The following SHISA9 variants were observed in gnomAD, a reference collection of about 807,000 sequenced individuals.
SHISA9 encodes the protein protein shisa-9.
In SHISA9, 13 loss-of-function variants were observed where a neutral mutation model predicts 38.0. The ratio of observed to expected loss-of-function variants is 0.34; its 90% CI spans 0.22 to 0.54. The LOEUF (loss-of-function observed/expected upper bound fraction) is 0.54, where lower values mean the gene tolerates loss of function less well. SHISA9 is among the 20% of genes least tolerant of loss of function. The pLI is 0.91. For missense variants in SHISA9, 538 were observed against 575.8 expected (o/e 0.93, Z 0.67); for synonymous variants, 275 against 242.0 (o/e 1.14, Z -1.27).
At chr16:12,916,622 TCGG>T (rs2071261430) in intron 1 of SHISA9, 63 bp from the exon 2 acceptor site, 1 of 1,512,220 alleles carries the variant, frequency 6.6e-7, no homozygotes, top group African/African-American at 1.4e-5. Flanking sequence ...ACTGCAGTAC[TCGG>T]CGCATAGCAG....
At chr16:13,198,143 C>T in intron 2 of SHISA9, among the ~76,000 whole-genome samples, 1 of 152,038 alleles carries the variant, frequency 6.6e-6, no homozygotes. Flanking sequence ...TGACACCACT[C>T]CACTGCACTC....
intron 2 of SHISA9, among the ~76,000 whole-genome samples, chr16:12,950,701 C>G (rs377748557): frequency 6.6e-6 from 1 of 151,724 alleles, no homozygotes; most frequent in Non-Finnish European, 1.5e-5. Context: ...CTCCACCTCC[C>G]GGGTTCAAGC....
At chr16:12,918,409 T>C (rs2071285514) in intron 2 of SHISA9, among the ~76,000 whole-genome samples, 2 of 152,200 alleles carry the variant, frequency 1.3e-5, no homozygotes, top group African/African-American at 4.8e-5. Context: ...AGGTGATTGC[T>C]AACAGGATTT....
the SHISA9 span, among the ~76,000 whole-genome samples, chr16:13,252,009 A>G: frequency 6.6e-6 from 1 of 152,234 alleles, no homozygotes; most frequent in South Asian, 2.1e-4. Context: ...GAATTCTGCA[A>G]CAATGCATAG....
chr16:13,521,230 C>G, the SHISA9 span, among the ~76,000 whole-genome samples: 1 of 152,192 alleles, frequency 6.6e-6, no homozygotes, highest in East Asian at 1.9e-4. Flanking sequence ...AGCATGTGAG[C>G]TTTCTTCTCC....
At chr16:13,388,564 A>C in the SHISA9 span, among the ~76,000 whole-genome samples, 5 of 152,190 alleles carry the variant, frequency 3.3e-5, no homozygotes, top group African/African-American at 1.2e-4. Context: ...CGGCCTCCCA[A>C]AGTGCTGGGA....
chr16:13,447,544 G>A, the SHISA9 span, among the ~76,000 whole-genome samples: 2 of 152,218 alleles, frequency 1.3e-5, no homozygotes, highest in African/African-American at 4.8e-5. Context: ...TGCTGCACAT[G>A]TGGGCAGATC....
At chr16:13,397,701 T>C in the SHISA9 span, among the ~76,000 whole-genome samples, 2 of 152,162 alleles carry the variant, frequency 1.3e-5, no homozygotes, top group African/African-American at 2.4e-5. Flanking sequence ...CCCAAAGTGC[T>C]GGGATTACAG....
At chr16:13,220,814 A>G (rs1306189775) in intron 4 of SHISA9, among the ~76,000 whole-genome samples, 1 of 152,174 alleles carries the variant, frequency 6.6e-6, no homozygotes, top group East Asian at 1.9e-4. Context: ...GTTGTCCAGT[A>G]GCCTTTCAGA....
At chr16:13,321,768 G>T in the SHISA9 span, among the ~76,000 whole-genome samples, 1 of 152,012 alleles carries the variant, frequency 6.6e-6, no homozygotes, top group African/African-American at 2.4e-5. Flanking sequence ...TTAGATAGTT[G>T]GACTCCAAAT....
rs78256419 is a variant in SHISA9 at position 13,097,083 on chromosome 16, G to A, written c.692-106311G>A. On this transcript the variant is annotated intron_variant, in intron 2 of 4. Coordinates refer to ENST00000558583, the MANE Select transcript of SHISA9 (RefSeq NM_001145204.3). Reference sequence around the variant, plus strand: ...GGACTGTGTCTGGCTTAAGGGCTTAGGTATATAATCAACACTTGATAAGTG... The same window carrying A: ...GGACTGTGTCTGGCTTAAGGGCTTAAGTATATAATCAACACTTGATAAGTG... Among the ~76,000 whole-genome samples, 614 of 152,260 alleles carry A rather than the reference G, an allele frequency of 4.0e-3. 9 individuals are homozygous for A. The highest frequency in any genetic ancestry group is 0.014 in the African/African-American group (587 of 41,534).
At chr16:13,140,585 T>G (rs2050393754) in intron 2 of SHISA9, among the ~76,000 whole-genome samples, 1 of 152,334 alleles carries the variant, frequency 6.6e-6, no homozygotes, top group African/African-American at 2.4e-5. Context: ...TTACAGCAAG[T>G]TCTGCAAGTT....
chr16:13,138,970 C>T (rs903390439), intron 2 of SHISA9, among the ~76,000 whole-genome samples: 5 of 152,012 alleles, frequency 3.3e-5, no homozygotes, highest in Non-Finnish European at 7.4e-5. Context: ...TGAAGCATTG[C>T]GGGATGGAGG....
At chr16:13,037,097 CA>C (rs2073080128) in intron 2 of SHISA9, among the ~76,000 whole-genome samples, 2 of 76,302 alleles carry the variant, frequency 2.6e-5, no homozygotes, top group African/African-American at 1.2e-4. Flanking sequence ...ACCACACACA[CA>C]CACACACACA....
chr16:13,069,568 A>T (rs1330142327), intron 2 of SHISA9, among the ~76,000 whole-genome samples: 2 of 150,562 alleles, frequency 1.3e-5, no homozygotes, highest in African/African-American at 2.5e-5. Flanking sequence ...ATAAGCGTGC[A>T]TGTGTATGTG....
chr16:13,326,406 C>G, the SHISA9 span, among the ~76,000 whole-genome samples: 1 of 152,222 alleles, frequency 6.6e-6, no homozygotes, highest in African/African-American at 2.4e-5. Flanking sequence ...TTTCCAGTCT[C>G]CTTGCATCAC....
At chr16:13,206,343 G>A (rs559528843) in intron 3 of SHISA9, among the ~76,000 whole-genome samples, 46 of 152,134 alleles carry the variant, frequency 3.0e-4, no homozygotes, top group African/African-American at 9.9e-4. Flanking sequence ...TCCCCCCACT[G>A]CCAAGCCCCT....
the SHISA9 span, among the ~76,000 whole-genome samples, chr16:13,539,334 TATATATATAAAG>T: frequency 0.036 from 1,509 of 41,502 alleles, 202 homozygotes; most frequent in East Asian, 0.41. Context: ...AGGATCTTTA[TATATATATAAAG>T]ATATATATAT....
chr16:13,209,900 A>C (rs773992800), intron 3 of SHISA9, among the ~76,000 whole-genome samples: 2 of 152,186 alleles, frequency 1.3e-5, no homozygotes, highest in South Asian at 4.1e-4. Context: ...GGAGATCGAG[A>C]CCATCCTGGT....
Sources: gnomAD v4.1 joint callset for allele counts (sites outside exome capture counted in the v4.1 genomes callset) on GRCh38, gnomAD v4.1.1 for gene constraint, MANE v1.5 for transcripts, NCBI Gene and HGNC (gene_info 2026-07-23, HGNC 2026-07-21) for gene names.